The following FAF1 variants were observed in gnomAD, a reference collection of about 807,000 sequenced individuals.
FAF1 encodes FAS-associated factor 1.
In FAF1, 25 loss-of-function variants were observed where a neutral mutation model predicts 92.5. The observed-to-expected ratio is 0.27, with a 90% CI of 0.20 to 0.38. The LOEUF (loss-of-function observed/expected upper bound fraction) is 0.38, where lower values mean the gene tolerates loss of function less well. Ranked by LOEUF, FAF1 falls within the 10% of genes least tolerant of loss-of-function variation. The pLI, the probability that FAF1 is intolerant of heterozygous loss-of-function variation, is 1.00. For missense variants in FAF1, 636 were observed against 793.3 expected, an observed-to-expected ratio of 0.80 and a Z score of 2.38; for synonymous variants, 234 against 273.2, an observed-to-expected ratio of 0.86 and a Z score of 1.42.
At position 50,438,967 on chromosome 1, in the gene FAF1, T is replaced by C. The variant is rs1646147761; in HGVS notation, c.*2473A>G. The C allele has an allele frequency of 6.6e-6, 1 of 152,164 alleles. No homozygotes were observed. Among genetic ancestry groups the C allele is most frequent in the African/African-American group, 2.4e-5 (1 of 41,426 alleles). The allele number at this position is 152,164 out of a possible 1,614,324, so 9.4% of individuals were successfully genotyped here. On this transcript the variant is annotated 3_prime_UTR_variant, in exon 19 of 19. Transcript: ENST00000396153. ...AATCCCTGCACCTTCTTAAAGGCAA[T>C]GGGAAATTGGCAACACTTCCTTTAA...
intron 8 of FAF1, among the ~76,000 whole-genome samples, chr1:50,646,409 C>T (rs1004372050): frequency 3.9e-5 from 6 of 152,196 alleles, no homozygotes; most frequent in Non-Finnish European, 5.9e-5. Context: ...TTACTATACT[C>T]ATACAAATCG....
At chr1:50,515,814 T>G (rs895127320) in intron 15 of FAF1, among the ~76,000 whole-genome samples, 3 of 152,086 alleles carry the variant, frequency 2.0e-5, no homozygotes, top group African/African-American at 7.2e-5. Flanking sequence ...AAACAACCCC[T>G]TCTTGCCTTA....
At chr1:50,915,054 T>C (rs192415693) in intron 1 of FAF1, among the ~76,000 whole-genome samples, 36 of 152,338 alleles carry the variant, frequency 2.4e-4, no homozygotes, top group African/African-American at 7.9e-4. Flanking sequence ...TCTGTCCTCT[T>C]CTACTCTTCT....
chr1:50,679,709 A>C (rs889288044), intron 7 of FAF1, among the ~76,000 whole-genome samples: 1 of 152,250 alleles, frequency 6.6e-6, no homozygotes, highest in Non-Finnish European at 1.5e-5. Flanking sequence ...GTTAAAATGT[A>C]AAGCACATAG....
At chr1:50,565,641 T>G (rs1650145370) in intron 13 of FAF1, among the ~76,000 whole-genome samples, 1 of 152,102 alleles carries the variant, frequency 6.6e-6, no homozygotes, top group Non-Finnish European at 1.5e-5. Flanking sequence ...GGCTGTTGAT[T>G]GCCATCATAA....
At chr1:50,823,751 C>A (rs368148104) in intron 2 of FAF1, among the ~76,000 whole-genome samples, 4 of 151,402 alleles carry the variant, frequency 2.6e-5, no homozygotes, top group African/African-American at 4.8e-5. Flanking sequence ...GATTACCCAG[C>A]GAAAACAGTT....
At chr1:50,451,470 C>T (rs538824221) in intron 18 of FAF1, among the ~76,000 whole-genome samples, 5 of 152,312 alleles carry the variant, frequency 3.3e-5, no homozygotes, top group East Asian at 1.9e-4. Context: ...TAAGAATGCA[C>T]AGGCAGGAAG....
Position 50,682,826 on chromosome 1 carries a change from G to A in FAF1, c.657+22960C>T, listed in dbSNP as rs145754920. ...GATCTGAATATGGCCGGGCGTGGTG[G>A]CTCAAGCCTGTAATGCCAGCACTTT... On this transcript the variant is annotated intron_variant, in intron 7 of 18. Transcript: ENST00000396153. Among the ~76,000 whole-genome samples, 326 of 152,130 alleles carry A rather than the reference G, an allele frequency of 2.1e-3. 9 individuals are homozygous for A. In the East Asian group the frequency reaches 0.052, roughly 24 times the overall value.
intron 13 of FAF1, among the ~76,000 whole-genome samples, chr1:50,546,899 T>C (rs114727588): frequency 0.013 from 1,907 of 152,190 alleles, 31 homozygotes; most frequent in African/African-American, 0.044. Context: ...TTAAACATAT[T>C]TTTCTATTTT....
intron 8 of FAF1, among the ~76,000 whole-genome samples, chr1:50,620,068 C>T (rs1315355503): frequency 2.6e-5 from 4 of 152,086 alleles, no homozygotes; most frequent in Non-Finnish European, 5.9e-5. Flanking sequence ...ACCACTACGC[C>T]TGGCTAATTT....
intron 6 of FAF1, among the ~76,000 whole-genome samples, chr1:50,730,280 TATTA>T (rs1476755957): frequency 6.6e-6 from 1 of 152,030 alleles, no homozygotes; most frequent in South Asian, 2.1e-4. Context: ...TGAAATAATT[TATTA>T]ATTTATTATT....
intron 4 of FAF1, among the ~76,000 whole-genome samples, chr1:50,771,841 C>T (rs1024375150): frequency 1.3e-5 from 2 of 152,194 alleles, no homozygotes; most frequent in African/African-American, 4.8e-5. Context: ...GCGGAGGTTG[C>T]AGTGAGCCAA....
intron 15 of FAF1, among the ~76,000 whole-genome samples, chr1:50,516,948 G>A (rs1475720348): frequency 6.6e-6 from 1 of 152,084 alleles, no homozygotes; most frequent in East Asian, 1.9e-4. Context: ...GTTACACCTG[G>A]AATATTTGCA....
At chr1:50,928,782 C>CAAAAAAA (rs1157426126) in intron 1 of FAF1, among the ~76,000 whole-genome samples, 2 of 39,722 alleles carry the variant, frequency 5.0e-5, no homozygotes, top group African/African-American at 8.8e-5. Context: ...GACTCCACCT[C>CAAAAAAA]AAAAAAAAAA....
chr1:50,955,913 T>C (rs1234529662), intron 1 of FAF1, among the ~76,000 whole-genome samples: 1 of 152,188 alleles, frequency 6.6e-6, no homozygotes, highest in Non-Finnish European at 1.5e-5. Flanking sequence ...TATGTTCCAC[T>C]TATATGAGGT....
intron 2 of FAF1, among the ~76,000 whole-genome samples, chr1:50,836,876 T>C (rs370988022): frequency 1.3e-5 from 2 of 151,892 alleles, no homozygotes; most frequent in East Asian, 1.9e-4. Flanking sequence ...TGACTCTATA[T>C]TGCAACTACA....
intron 8 of FAF1, among the ~76,000 whole-genome samples, chr1:50,647,954 G>T (rs1375756512): frequency 6.6e-6 from 1 of 152,098 alleles, no homozygotes; most frequent in East Asian, 1.9e-4. Context: ...GGCATAGGCA[G>T]GGTTTCTCAA....
intron 7 of FAF1, among the ~76,000 whole-genome samples, chr1:50,674,609 G>A (rs901639865): frequency 6.6e-6 from 1 of 152,090 alleles, no homozygotes; most frequent in Non-Finnish European, 1.5e-5. Context: ...CAAAATAAAC[G>A]GTAACTGCAT....
intron 1 of FAF1, among the ~76,000 whole-genome samples, chr1:50,877,082 CT>C (rs1415009594): frequency 1.3e-5 from 2 of 152,148 alleles, no homozygotes; most frequent in Non-Finnish European, 2.9e-5. Context: ...GTATAATTTC[CT>C]ATTCCTAAAG....
Sources: allele counts gnomAD v4.1 joint callset (sites outside exome capture counted in the v4.1 genomes callset), GRCh38; gene constraint gnomAD v4.1.1; transcripts MANE v1.5; gene names NCBI Gene and HGNC (gene_info 2026-07-23, HGNC 2026-07-21).